ALMS1: variants seen among roughly 807,000 people sequenced by gnomAD.
The protein encoded by ALMS1 is ALMS1 centrosome and basal body associated protein, also known as centrosome-associated protein ALMS1.
In ALMS1, 271 loss-of-function variants were observed where a neutral mutation model predicts 352.2. That is an observed-to-expected ratio of 0.77 (90% CI 0.70 to 0.85). The LOEUF is 0.85. Among genes scored for constraint, ALMS1 ranks in the 40% least tolerant of loss-of-function variants. ALMS1 has a pLI of 0.00. For missense variants in ALMS1, 5,445 were observed against 4,870.7 expected (o/e 1.12, Z -3.51); for synonymous variants, 1,865 against 1,761.2 (o/e 1.06, Z -1.48).
At chr2:73,491,603 C>T in intron 10 of ALMS1, 105 bp downstream of exon 10, 2 of 1,245,642 alleles carry the variant, frequency 1.6e-6, no homozygotes, top group Non-Finnish European at 2.3e-6. Context: ...TGTGATTTCT[C>T]TGAGTGGAGG....
Position 73,451,942 on chromosome 2 carries a change from C to G in ALMS1, c.5415C>G (p.Ser1805=). ...KTGVSTVTST[S]YSHREKPIVS... is the part of the protein sequence containing the mutation. ...GGGTATCAACAGTAACCTCTACTTC[C>G]TACTCACACAGAGAGAAGCCCATTG... The change falls in exon 8 of 23, where the codon TCC becomes TCG. Residue 1805 remains serine (S), a synonymous_variant. Coordinates refer to ENST00000613296, the MANE Select transcript of ALMS1 (RefSeq NM_001378454.1). 6.2e-7 allele frequency: 1 copy of G among 1,613,682 alleles called. No individual in the cohort carries two copies. Among genetic ancestry groups the G allele is most frequent in the Non-Finnish European group, 8.5e-7 (1 of 1,179,866 alleles).
intron 9 of ALMS1, among the ~76,000 whole-genome samples, chr2:73,482,911 G>T (rs1558663501): frequency 6.6e-6 from 1 of 152,130 alleles, no homozygotes; most frequent in African/African-American, 2.4e-5. Context: ...ATTTCTGTGG[G>T]ATCGGTGGTG....
At chr2:73,463,290 C>A (rs1009058213) in intron 9 of ALMS1, among the ~76,000 whole-genome samples, 18 of 152,304 alleles carry the variant, frequency 1.2e-4, no homozygotes, top group African/African-American at 2.4e-4. Flanking sequence ...ACTCAGGATT[C>A]AGAATCTCAC....
intron 12 of ALMS1, among the ~76,000 whole-genome samples, chr2:73,538,671 G>A (rs948290727): frequency 1.1e-4 from 16 of 152,220 alleles, no homozygotes; most frequent in Admixed American, 8.5e-4. Flanking sequence ...CTGGAAAATC[G>A]GGTCACTCCC....
chr2:73,600,550 A>C (rs1410558767), intron 17 of ALMS1, 128 bp from the exon 18 acceptor site: 11 of 799,932 alleles, frequency 1.4e-5, no homozygotes, highest in Non-Finnish European at 2.1e-5. Context: ...CTCTCTTCGC[A>C]TCCCTCCATC....
intron 7 of ALMS1, among the ~76,000 whole-genome samples, chr2:73,436,052 A>C (rs1034831033): frequency 2.6e-5 from 4 of 152,106 alleles, no homozygotes; most frequent in Non-Finnish European, 4.4e-5. Flanking sequence ...CAGCCTTTGG[A>C]ACTTCCTATG....
At chr2:73,486,434 G>A (rs1040827463) in intron 9 of ALMS1, among the ~76,000 whole-genome samples, 1 of 152,138 alleles carries the variant, frequency 6.6e-6, no homozygotes, top group Non-Finnish European at 1.5e-5. Context: ...TTCTGTGATG[G>A]TTGGCTGGAG....
At position 73,527,182 on chromosome 2, in the gene ALMS1, T is replaced by G. The variant is rs141587340; in HGVS notation, c.9781+7166T>G. ...TGAATTTGGTTTGCTAGTATTTTGTTGAGGATTTTTGCATCAATATTCATG... is the reference window on the plus strand; with the variant it reads ...TGAATTTGGTTTGCTAGTATTTTGTGGAGGATTTTTGCATCAATATTCATG... On this transcript the variant is annotated intron_variant, in intron 11 of 22. Transcript: ENST00000613296. Among the ~76,000 whole-genome samples, 13 of 152,190 alleles carry G rather than the reference T, an allele frequency of 8.5e-5. No individual in the cohort carries two copies. The East Asian group carries it at 2.5e-3, about 29-fold the overall frequency.
chr2:73,549,963 G>A (rs1468360803), intron 12 of ALMS1, among the ~76,000 whole-genome samples: 2 of 152,066 alleles, frequency 1.3e-5, no homozygotes, highest in Non-Finnish European at 2.9e-5. Context: ...AGGTTCAAGC[G>A]ATTCTCCTGC....
chr2:73,490,865 G>T lies in ALMS1; in HGVS notation c.8906G>T (p.Cys2969Phe), dbSNP rs781510836. ...DLPSPISLEQ[C>F]QSKAPGVDDQ... ...CCGTCTCCCATTTCTCTTGAACAAT[G>T]CCAAAGCAAAGCGCCAGGTGTAGAT... is the stretch of plus-strand genomic sequence containing the variant. Residue 2969 changes from cysteine to phenylalanine, a missense_variant, in exon 10 of 23, where the codon TGC becomes TTC. Cys to Phe is a radical substitution (Grantham distance 205). Transcript: ENST00000613296. 4.3e-6 allele frequency: 7 copies of T among 1,613,898 alleles called. No homozygotes were observed. The highest frequency in any genetic ancestry group is 5.9e-6 in the Non-Finnish European group (7 of 1,179,988).
At chr2:73,583,949 GT>G (rs1441706955) in intron 16 of ALMS1, among the ~76,000 whole-genome samples, 3 of 152,070 alleles carry the variant, frequency 2.0e-5, no homozygotes, top group Non-Finnish European at 4.4e-5. Context: ...TTTCAAAGTT[GT>G]TTTGGCTATT....
intron 12 of ALMS1, among the ~76,000 whole-genome samples, chr2:73,545,201 A>C (rs1674288137): frequency 6.7e-6 from 1 of 149,224 alleles, no homozygotes; most frequent in African/African-American, 2.5e-5. Flanking sequence ...TTTTTTTTGA[A>C]ACAGAGTCTT....
intron 19 of ALMS1, 102 bp from the exon 20 acceptor site, chr2:73,602,083 T>C: frequency 8.2e-7 from 1 of 1,223,964 alleles, no homozygotes; most frequent in Non-Finnish European, 1.2e-6. Context: ...TGAATCAGAC[T>C]TCCCCAAACC....
chr2:73,454,843 T>C (rs1282890177), intron 8 of ALMS1, among the ~76,000 whole-genome samples: 1 of 152,208 alleles, frequency 6.6e-6, no homozygotes, highest in Non-Finnish European at 1.5e-5. Flanking sequence ...CATGGAATTA[T>C]GAGTAATTGT....
chr2:73,446,038 C>G (rs1671806239), intron 7 of ALMS1, among the ~76,000 whole-genome samples: 1 of 152,132 alleles, frequency 6.6e-6, no homozygotes, highest in Non-Finnish European at 1.5e-5. Flanking sequence ...CACCATTCTT[C>G]TGACAGTTTG....
rs1674562036 is a variant in ALMS1, at chr2:73,557,081, A to T, written c.10079-139A>T. ...TTTCAATTCATGTCACAGTTTTTAC[A>T]CAGGTGGAGCCTAAGAGGTACTTTT... On this transcript the variant is annotated intron_variant, in intron 13 of 22. Transcript: ENST00000613296. 3 of 1,121,320 alleles carry T rather than the reference A, an allele frequency of 2.7e-6. No individual in the cohort carries two copies. In the African/African-American group the frequency reaches 4.7e-5, roughly 17 times the overall value. 69.5% of individuals were successfully genotyped at this position (1,121,320 alleles called of 1,614,324 possible).
At chr2:73,538,700 T>C (rs1437463450) in intron 12 of ALMS1, among the ~76,000 whole-genome samples, 1 of 152,102 alleles carries the variant, frequency 6.6e-6, no homozygotes, top group Non-Finnish European at 1.5e-5. Context: ...ACTGCGCTTT[T>C]CCAACGGGCT....
chr2:73,547,845 A>G (rs1387200759), intron 12 of ALMS1, among the ~76,000 whole-genome samples: 6 of 152,218 alleles, frequency 3.9e-5, no homozygotes, highest in African/African-American at 1.4e-4. Flanking sequence ...GTTGCTTTAG[A>G]CAGTACCAGA....
In ALMS1 at chr2:73,426,554, G is replaced by GT; in HGVS notation, c.1338+2dup. 1 of 1,613,494 alleles carries GT rather than the reference G, an allele frequency of 6.2e-7. No homozygotes were observed. Among genetic ancestry groups the GT allele is most frequent in the Middle Eastern group, 1.7e-4 (1 of 6,060 alleles). ...AAGAGTTGCTGAACTACAAAGAAAG[G>GT]TGAGACACAATAAAATGATAGTTGT... On this transcript the variant is annotated splice_donor_variant, in intron 6 of 22. Coordinates refer to ENST00000613296, the MANE Select transcript of ALMS1 (RefSeq NM_001378454.1). LOFTEE classifies it high-confidence loss of function.
Sources: allele counts gnomAD v4.1 joint callset (sites outside exome capture counted in the v4.1 genomes callset), GRCh38; gene constraint gnomAD v4.1.1; transcripts MANE v1.5; gene names NCBI Gene and HGNC (gene_info 2026-07-23, HGNC 2026-07-21).